BIN3: variants seen among roughly 807,000 people sequenced by gnomAD.
BIN3 encodes bridging integrator 3.
Under a neutral mutation model 38.2 loss-of-function variants are expected in BIN3, and 41 were observed. The ratio of observed to expected loss-of-function variants is 1.07; its 90% confidence interval spans 0.84 to 1.39. The LOEUF is 1.39. BIN3 is among the 40% of genes most tolerant of loss of function. BIN3 has a pLI of 0.00. For synonymous variants in BIN3, 145 were observed against 122.6 expected (o/e 1.18, Z -1.21); for missense variants, 361 against 324.3 (o/e 1.11, Z -0.87).
chr8:22,643,853 C>T (rs1216119407), intron 2 of BIN3, among the ~76,000 whole-genome samples: 1 of 152,224 alleles, frequency 6.6e-6, no homozygotes, highest in East Asian at 1.9e-4. Flanking sequence ...GCTGTCACAT[C>T]AGAGAGGCTC....
rs1276659093 is a variant in BIN3, at chr8:22,625,646, G to A, written c.339-1283C>T. On this transcript the variant is annotated intron_variant, in intron 6 of 8. Coordinates refer to ENST00000276416, the MANE Select transcript of BIN3 (RefSeq NM_018688.6). ...TCTCTCACCCAGGCTGGAGTACAGT[G>A]GTATGATCTCTGCTCACTGCAGCCT... The A allele has an allele frequency of 2.9e-5, 15 of 514,218 alleles. No homozygotes were observed. In the East Asian group the frequency reaches 4.7e-4, roughly 16 times the overall value. The allele number at this position is 514,218 out of a possible 1,614,324, so 31.9% of individuals were successfully genotyped here. A position where few individuals can be genotyped will look rare whatever the true frequency, so the allele number is the denominator to read the frequency against.
At chr8:22,625,723 G>A in intron 6 of BIN3, 2 of 278,820 alleles carry the variant, frequency 7.2e-6, no homozygotes, top group South Asian at 1.1e-4. Flanking sequence ...GAAGAGCTAG[G>A]ATTACAGACG....
At chr8:22,661,581 C>T (rs1051930760) in intron 1 of BIN3, among the ~76,000 whole-genome samples, 1 of 151,740 alleles carries the variant, frequency 6.6e-6, no homozygotes, top group African/African-American at 2.4e-5. Context: ...TGGTCTTGAA[C>T]TCCTGACCTC....
At chr8:22,635,465 T>C (rs1376240522) in intron 4 of BIN3, among the ~76,000 whole-genome samples, 2 of 152,118 alleles carry the variant, frequency 1.3e-5, no homozygotes, top group Non-Finnish European at 1.5e-5. Context: ...GTGTGGTATA[T>C]AGACACGGCT....
At chr8:22,661,703 T>C (rs138916528) in intron 1 of BIN3, among the ~76,000 whole-genome samples, 3 of 152,310 alleles carry the variant, frequency 2.0e-5, no homozygotes, top group Non-Finnish European at 4.4e-5. Flanking sequence ...TGTATCATTC[T>C]GAAGCTAGCT....
At chr8:22,632,193 C>A (rs1256619313) in intron 4 of BIN3, among the ~76,000 whole-genome samples, 1 of 152,160 alleles carries the variant, frequency 6.6e-6, no homozygotes, top group East Asian at 1.9e-4. Flanking sequence ...GTCTTAGGAC[C>A]CATGACATAA....
At chr8:22,622,023 GT>G (rs1188933563) in intron 8 of BIN3, among the ~76,000 whole-genome samples, 21 of 152,352 alleles carry the variant, frequency 1.4e-4, no homozygotes, top group African/African-American at 5.1e-4. Context: ...CTAGCCTTCT[GT>G]TCCCTCCCAA....
At chr8:22,632,631 C>T (rs140756563) in intron 4 of BIN3, among the ~76,000 whole-genome samples, 1 of 150,794 alleles carries the variant, frequency 6.6e-6, no homozygotes. Flanking sequence ...ACATCTTCTG[C>T]TATTTCTTAA....
intron 6 of BIN3, 64 bp from the exon 7 acceptor site, chr8:22,624,427 C>A: frequency 6.3e-7 from 1 of 1,576,788 alleles, no homozygotes. Context: ...GGAGATGGGT[C>A]TGCTCTTGGA....
chr8:22,667,487 T>C (rs1389217652), intron 1 of BIN3, among the ~76,000 whole-genome samples: 1 of 152,164 alleles, frequency 6.6e-6, no homozygotes, highest in East Asian at 1.9e-4. Flanking sequence ...TTTGAAAAAT[T>C]AGGTAAGAAC....
intron 1 of BIN3, among the ~76,000 whole-genome samples, chr8:22,648,095 A>G (rs1166423521): frequency 1.6e-5 from 2 of 127,174 alleles, no homozygotes; most frequent in Non-Finnish European, 3.4e-5. Context: ...AGATTGCGCC[A>G]CTACACTCCA....
At chr8:22,634,002 C>T (rs1237155616) in intron 4 of BIN3, among the ~76,000 whole-genome samples, 2 of 152,232 alleles carry the variant, frequency 1.3e-5, no homozygotes, top group Non-Finnish European at 2.9e-5. Context: ...CTTTCCACAG[C>T]CATGGACGGT....
Position 22,669,053 on chromosome 8 carries a change from G to A in BIN3, c.-2C>T. 1.3e-6 allele frequency: 2 copies of A among 1,591,126 alleles called. No homozygotes were observed. Among genetic ancestry groups the A allele is most frequent in the Non-Finnish European group, 1.7e-6 (2 of 1,169,426 alleles). On this transcript the variant is annotated 5_prime_UTR_variant, in exon 1 of 9. Transcript: ENST00000276416. ...CCTGGGCCTCACTCACCAGCTCATG[G>A]TCCCGAACCTGCGTCTGCCGCCGGG...
At chr8:22,630,663 G>A in intron 4 of BIN3, 85 bp from the exon 5 acceptor site, 1 of 1,519,302 alleles carries the variant, frequency 6.6e-7, no homozygotes, top group Non-Finnish European at 9.0e-7. Flanking sequence ...TCCTATGCCA[G>A]GGGCCTGCAC....
intron 1 of BIN3, among the ~76,000 whole-genome samples, chr8:22,660,636 C>T (rs866397268): frequency 6.6e-6 from 1 of 152,018 alleles, no homozygotes; most frequent in Admixed American, 6.5e-5. Context: ...CGCGGGCAAA[C>T]GTTCTCTTGC....
chr8:22,621,297 A>C lies in BIN3; in HGVS notation c.*125T>G. 3.8e-6 allele frequency: 5 copies of C among 1,305,144 alleles called. No homozygotes were observed. Among genetic ancestry groups the C allele is most frequent in the Non-Finnish European group, 5.1e-6 (5 of 971,494 alleles). 80.8% of individuals were successfully genotyped at this position (1,305,144 alleles called of 1,614,324 possible). ...GGCTCAGGAAGAGTCATTCATTGCA[A>C]AGGGCCGGCAAGTGAACCAGGGCCA... On this transcript the variant is annotated 3_prime_UTR_variant, in exon 9 of 9. Coordinates refer to ENST00000276416, the MANE Select transcript of BIN3 (RefSeq NM_018688.6).
At chr8:22,624,612 G>A in intron 6 of BIN3, 1 of 497,616 alleles carries the variant, frequency 2.0e-6, no homozygotes, top group African/African-American at 1.9e-5. Flanking sequence ...TGCGAACGTG[G>A]ACAATGTCAT....
At chr8:22,636,669 AAGG>A (rs768068249) in intron 3 of BIN3, 83 bp from the exon 4 acceptor site, 2 of 1,407,204 alleles carry the variant, frequency 1.4e-6, no homozygotes, top group East Asian at 2.5e-5. Context: ...AGGGCCTGCC[AAGG>A]AGGAGGAGAA....
intron 4 of BIN3, among the ~76,000 whole-genome samples, chr8:22,633,737 A>C (rs1365834508): frequency 6.6e-6 from 1 of 152,176 alleles, no homozygotes; most frequent in Non-Finnish European, 1.5e-5. Flanking sequence ...ACACATTTTC[A>C]GGTCTCGCCC....
Sources: allele counts gnomAD v4.1 joint callset (sites outside exome capture counted in the v4.1 genomes callset), GRCh38; gene constraint gnomAD v4.1.1; transcripts MANE v1.5; gene names NCBI Gene and HGNC (gene_info 2026-07-23, HGNC 2026-07-21).